Variants in KCNT2 observed in about 807,000 individuals in gnomAD.
KCNT2 encodes the protein potassium channel subfamily T member 2.
KCNT2 carries 67 observed loss-of-function variants against 153.8 expected under a neutral mutation model. The ratio of observed to expected loss-of-function variants is 0.44; its 90% CI spans 0.36 to 0.53. KCNT2 has a LOEUF of 0.53. KCNT2 is among the 20% of genes least tolerant of loss of function. KCNT2 has a pLI of 0.00. For synonymous variants in KCNT2, 500 were observed against 458.8 expected (o/e 1.09, Z -1.15); for missense variants, 975 against 1,354.8 (o/e 0.72, Z 4.40).
intron 12 of KCNT2, among the ~76,000 whole-genome samples, chr1:196,418,211 C>T (rs1226617431): frequency 6.6e-6 from 1 of 152,092 alleles, no homozygotes; most frequent in Admixed American, 6.6e-5. Flanking sequence ...CACGGTGGCT[C>T]ACACCTGTAA....
intron 8 of KCNT2, among the ~76,000 whole-genome samples, chr1:196,448,803 C>CT (rs1206467757): frequency 6.6e-6 from 1 of 151,502 alleles, no homozygotes; most frequent in African/African-American, 2.4e-5. Context: ...AATCTAATGA[C>CT]TTTTTTTGTT....
intron 1 of KCNT2, 83 bp from the exon 2 acceptor site, chr1:196,492,424 T>A (rs998477432): frequency 2.0e-6 from 2 of 994,504 alleles, no homozygotes; most frequent in Non-Finnish European, 2.6e-6. Flanking sequence ...TATAAATTGA[T>A]CTGTAGTTCT....
At chr1:196,457,358 C>T (rs1676764308) in intron 8 of KCNT2, among the ~76,000 whole-genome samples, 1 of 151,596 alleles carries the variant, frequency 6.6e-6, no homozygotes, top group African/African-American at 2.4e-5. Context: ...TTATTATCTA[C>T]ATATTATGGA....
intron 8 of KCNT2, among the ~76,000 whole-genome samples, chr1:196,430,396 C>CTCTCTTTCTCTCTCTCTT (rs201071450): frequency 4.0e-5 from 6 of 148,312 alleles, no homozygotes; most frequent in Middle Eastern, 3.5e-3. Flanking sequence ...CTCTCTCTCT[C>CTCTCTTTCTCTCTCTCTT]TCTCTCTCTC....
chr1:196,420,003 A>G (rs1444342453), intron 12 of KCNT2, among the ~76,000 whole-genome samples: 1 of 151,942 alleles, frequency 6.6e-6, no homozygotes, highest in East Asian at 1.9e-4. Flanking sequence ...CCTTTCTTAA[A>G]TTCCTACTAT....
At position 196,532,260 on chromosome 1, in the gene KCNT2, G is replaced by A. The variant is rs189577369; in HGVS notation, c.96-39919C>T. On this transcript the variant is annotated intron_variant, in intron 1 of 27. Coordinates refer to ENST00000294725, the MANE Select transcript of KCNT2 (RefSeq NM_198503.5). The stretch of plus-strand genomic sequence containing the variant: ...AATTCATTCTGATTCTGAATAGTTC[G>A]TAAACACCAGCACTAGCCAAGCAAA... Among the ~76,000 whole-genome samples the A allele has an allele frequency of 2.0e-4, 31 of 152,010 alleles. 1 individual carries two copies. Among genetic ancestry groups the A allele is most frequent in the Admixed American group, 8.5e-4 (13 of 15,224 alleles).
chr1:196,583,823 A>T (rs1292709352), intron 1 of KCNT2, among the ~76,000 whole-genome samples: 1 of 152,098 alleles, frequency 6.6e-6, no homozygotes, highest in East Asian at 1.9e-4. Flanking sequence ...ATAGAAGAGT[A>T]AATAAGAGCC....
intron 5 of KCNT2, among the ~76,000 whole-genome samples, chr1:196,472,752 T>A (rs1189256985): frequency 6.6e-6 from 1 of 152,200 alleles, no homozygotes; most frequent in Non-Finnish European, 1.5e-5. Flanking sequence ...CTATAATTTA[T>A]CAATAAGACC....
chr1:196,499,863 G>A lies in KCNT2; in HGVS notation c.96-7522C>T, dbSNP rs148991192. Among the ~76,000 whole-genome samples the A allele has an allele frequency of 3.1e-3, 478 of 152,114 alleles. 4 individuals carry two copies. Among genetic ancestry groups the A allele is most frequent in the African/African-American group, 0.011 (464 of 41,508 alleles). On this transcript the variant is annotated intron_variant, in intron 1 of 27. Coordinates refer to ENST00000294725, the MANE Select transcript of KCNT2 (RefSeq NM_198503.5). ...AACTTTATAGAAAAAGAAACTTTGG[G>A]CCAGAAGTGGTGGCTCATGTCTGTA...
At chr1:196,329,423 A>T (rs1442263230) in intron 18 of KCNT2, among the ~76,000 whole-genome samples, 6 of 152,084 alleles carry the variant, frequency 3.9e-5, no homozygotes, top group South Asian at 2.1e-4. Flanking sequence ...TTGTGCCTCC[A>T]TCAATCCTGT....
In KCNT2 at chr1:196,425,950, A is replaced by C; in HGVS notation, c.1023T>G (p.Asp341Glu). Residue 341 changes from aspartate (D) to glutamate (E), a missense_variant, in exon 11 of 28, where the codon GAT becomes GAG. By Grantham distance (45) the Asp-to-Glu change is conservative (BLOSUM62 2). Transcript: ENST00000294725. ...TCTGCAGTACCCTTCGAACCTGTAC[A>C]TCCATTTCAGTAGGACACAAAATCA... Reference protein sequence around the residue: ...YVVILCPTEMDVQVRRVLQIP... With the variant: ...YVVILCPTEMEVQVRRVLQIP... 6.2e-7 allele frequency: 1 copy of C among 1,612,268 alleles called. No homozygotes were observed. Among genetic ancestry groups the C allele is most frequent in the Non-Finnish European group, 8.5e-7 (1 of 1,178,832 alleles).
rs1387849271 is a variant in KCNT2, at chr1:196,585,564, G to A, written c.95+22651C>T. On this transcript the variant is annotated intron_variant, in intron 1 of 27. Transcript: ENST00000294725. ...ATGGGTCAATTTAGTGGAAATAACTGAGCTATTTATTACAGCCAAGAGGAA... is the reference window on the plus strand; with the variant it reads ...ATGGGTCAATTTAGTGGAAATAACTAAGCTATTTATTACAGCCAAGAGGAA... 2.6e-5 allele frequency among the ~76,000 whole-genome samples: 4 copies of A among 151,740 alleles called. No individual in the cohort carries two copies. The South Asian group carries it at 8.3e-4, about 32-fold the overall frequency.
intron 8 of KCNT2, among the ~76,000 whole-genome samples, chr1:196,447,602 G>A (rs957951430): frequency 2.0e-5 from 3 of 151,580 alleles, no homozygotes; most frequent in Admixed American, 6.6e-5. Flanking sequence ...TGACAGTGCA[G>A]AGCTGGATGT....
intron 7 of KCNT2, among the ~76,000 whole-genome samples, chr1:196,466,744 C>T (rs1677653496): frequency 2.0e-5 from 3 of 151,996 alleles, no homozygotes; most frequent in South Asian, 4.1e-4. Context: ...AGATCATTTG[C>T]CCATCACATT....
intron 1 of KCNT2, among the ~76,000 whole-genome samples, chr1:196,562,215 A>T (rs1242691503): frequency 6.6e-6 from 1 of 151,978 alleles, no homozygotes; most frequent in Non-Finnish European, 1.5e-5. Context: ...TATATTTTGG[A>T]ATAAAATATT....
chr1:196,480,487 T>G (rs1230321736), intron 4 of KCNT2, among the ~76,000 whole-genome samples: 1 of 152,160 alleles, frequency 6.6e-6, no homozygotes, highest in African/African-American at 2.4e-5. Context: ...TAATTACTCA[T>G]GCTTTTTTTG....
chr1:196,233,009 T>C (rs115235829), intron 27 of KCNT2, among the ~76,000 whole-genome samples: 7,353 of 151,386 alleles, frequency 0.049, 277 homozygotes, highest in Non-Finnish European at 0.071. Flanking sequence ...TTAATAAAAA[T>C]TATCTATACT....
In KCNT2 at chr1:196,600,379, T is replaced by C. The variant is rs534871719; in HGVS notation, c.95+7836A>G. 8.5e-5 allele frequency among the ~76,000 whole-genome samples: 13 copies of C among 152,326 alleles called. No homozygotes were observed. The East Asian group carries it at 1.4e-3, about 16-fold the overall frequency. On this transcript the variant is annotated intron_variant, in intron 1 of 27. Transcript: ENST00000294725. ...CTGTAAGCTGGAGAGATGGAGGTGG[T>C]TGGCTGCAAGGCATGCAAAGGAACC...
chr1:196,371,731 G>A (rs532835907), intron 14 of KCNT2, among the ~76,000 whole-genome samples: 1 of 151,952 alleles, frequency 6.6e-6, no homozygotes, highest in Non-Finnish European at 1.5e-5. Flanking sequence ...TTTAACTTAT[G>A]TGAAGTATAA....
Sources: gnomAD v4.1 joint callset for allele counts (sites outside exome capture counted in the v4.1 genomes callset) on GRCh38, gnomAD v4.1.1 for gene constraint, MANE v1.5 for transcripts, NCBI Gene and HGNC (gene_info 2026-07-23, HGNC 2026-07-21) for gene names.